The following STMN4 variants were observed in gnomAD, a reference collection of about 807,000 sequenced individuals.
STMN4 encodes stathmin-4.
In STMN4, 12 loss-of-function variants were observed where a neutral mutation model predicts 29.1. That is an observed-to-expected ratio of 0.41 (90% confidence interval 0.26 to 0.67). The LOEUF is 0.67. STMN4 is among the 30% of genes least tolerant of loss of function. The probability of loss-of-function intolerance (pLI) is 0.30; values close to 1 mark genes in which losing one functional copy is unlikely to be tolerated. For synonymous variants in STMN4, 114 were observed against 105.3 expected (o/e 1.08, Z -0.51); for missense variants, 181 against 262.8 (o/e 0.69, Z 2.15).
Position 27,236,562 on chromosome 8 carries a change from C to T in STMN4, c.*284G>A, listed in dbSNP as rs1481869017. ...GGTAGAGATGTGAAAATCAGATCTGCGCCGGGCAGGGTTGCAATGTCCTTG... is the reference window on the plus strand; with the variant it reads ...GGTAGAGATGTGAAAATCAGATCTGTGCCGGGCAGGGTTGCAATGTCCTTG... On this transcript the variant is annotated 3_prime_UTR_variant, in exon 7 of 7. Coordinates refer to ENST00000350889, the MANE Select transcript of STMN4 (RefSeq NM_030795.4). 11 of 273,974 alleles carry T rather than the reference C, an allele frequency of 4.0e-5. No homozygotes were observed. The highest frequency in any genetic ancestry group is 1.6e-4 in the Admixed American group (3 of 18,314). 17.0% of individuals were successfully genotyped at this position (273,974 alleles called of 1,614,324 possible). A position where few individuals can be genotyped will look rare whatever the true frequency, so the allele number is the denominator to read the frequency against.
In STMN4 at chr8:27,236,621, C is replaced by G. The variant is rs1446960348; in HGVS notation, c.*225G>C. On this transcript the variant is annotated 3_prime_UTR_variant, in exon 7 of 7. Coordinates refer to ENST00000350889, the MANE Select transcript of STMN4 (RefSeq NM_030795.4). ...TCCATCTCCCTTTCCCAAACTCTCTCCTCTCCCCTCTCCCACCCCGTCATT... is the reference window on the plus strand; with the variant it reads ...TCCATCTCCCTTTCCCAAACTCTCTGCTCTCCCCTCTCCCACCCCGTCATT... 1 of 420,572 alleles carries G rather than the reference C, an allele frequency of 2.4e-6. No individual in the cohort carries two copies. The highest frequency in any genetic ancestry group is 4.2e-6 in the Non-Finnish European group (1 of 238,528). 26.1% of individuals were successfully genotyped at this position (420,572 alleles called of 1,614,324 possible). A position where few individuals can be genotyped will look rare whatever the true frequency, so the allele number is the denominator to read the frequency against.
At chr8:27,251,183 G>C (rs1243991980) in intron 1 of STMN4, among the ~76,000 whole-genome samples, 3 of 152,092 alleles carry the variant, frequency 2.0e-5, no homozygotes, top group Non-Finnish European at 4.4e-5. Flanking sequence ...AACACAGGAA[G>C]TGGAGGTTGC....
chr8:27,243,784 T>C lies in STMN4; in HGVS notation c.-61A>G. ...TTACAGAGTGGGTCTGTCACCAGCT[T>C]GGGACGCTGTCACCAACCTGAGAAA... On this transcript the variant is annotated 5_prime_UTR_variant, in exon 2 of 7. Transcript: ENST00000350889. 1 of 1,614,128 alleles carries C rather than the reference T, an allele frequency of 6.2e-7. No individual in the cohort carries two copies. Among genetic ancestry groups the C allele is most frequent in the Non-Finnish European group, 8.5e-7 (1 of 1,179,988 alleles).
chr8:27,241,032 A>C, intron 5 of STMN4, 22 bp downstream of exon 5: 1 of 1,601,174 alleles, frequency 6.2e-7, no homozygotes, highest in Non-Finnish European at 8.5e-7. Flanking sequence ...GAGGGAGGAA[A>C]GAAGGAAGGG....
intron 6 of STMN4, chr8:27,239,688 T>C: frequency 2.1e-6 from 3 of 1,438,608 alleles, no homozygotes; most frequent in South Asian, 1.5e-5. Flanking sequence ...GACAGGCTTC[T>C]TCTAGAAAAT....
At chr8:27,252,614 T>C (rs1054378787) in intron 1 of STMN4, among the ~76,000 whole-genome samples, 1 of 152,248 alleles carries the variant, frequency 6.6e-6, no homozygotes, top group African/African-American at 2.4e-5. Context: ...TTTATCATTT[T>C]ATTCTGCACA....
chr8:27,236,979 G>A, intron 6 of STMN4, 74 bp from the exon 7 acceptor site: 2 of 1,516,958 alleles, frequency 1.3e-6, no homozygotes, highest in Non-Finnish European at 1.8e-6. Flanking sequence ...CAAGGGGCAA[G>A]AGAACCAAAA....
chr8:27,252,885 T>C (rs552389690), intron 1 of STMN4, among the ~76,000 whole-genome samples: 3 of 152,226 alleles, frequency 2.0e-5, no homozygotes, highest in Non-Finnish European at 4.4e-5. Flanking sequence ...TATGGGTGCA[T>C]TCCATGCTTA....
chr8:27,243,333 T>C (rs1488367517), intron 2 of STMN4, among the ~76,000 whole-genome samples: 1 of 152,188 alleles, frequency 6.6e-6, no homozygotes, highest in African/African-American at 2.4e-5. Flanking sequence ...CTCAGACTCC[T>C]GATACTGGGG....
chr8:27,241,062 G>A lies in STMN4; in HGVS notation c.391C>T (p.Arg131Ter). The A allele has an allele frequency of 6.2e-7, 1 of 1,613,168 alleles. No individual in the cohort carries two copies. The highest frequency in any genetic ancestry group is 8.5e-7 in the Non-Finnish European group (1 of 1,179,492). ...GAAGGGTCAGCATTTACCTTCCTTC[G>A]CTCCTCAGCCGCTTCTAGTTTCTTC... ...IQKKLEAAEE[R>*]RKYQEAELLK... The change falls in exon 5 of 7, where the codon CGA becomes TGA. Residue 131 changes from arginine (R) to a stop codon, truncating the protein, a stop_gained. Coordinates refer to ENST00000350889, the MANE Select transcript of STMN4 (RefSeq NM_030795.4). LOFTEE classifies it high-confidence loss of function.
chr8:27,253,750 A>G (rs138572074), intron 1 of STMN4, among the ~76,000 whole-genome samples: 219 of 149,358 alleles, frequency 1.5e-3, no homozygotes, highest in African/African-American at 4.6e-3. Context: ...TTGATTAGCT[A>G]GAGTACTTCT....
chr8:27,243,901 C>T, intron 1 of STMN4, 100 bp from the exon 2 acceptor site: 7 of 1,077,268 alleles, frequency 6.5e-6, no homozygotes, highest in Non-Finnish European at 9.5e-6. Flanking sequence ...TCAGGGGTAC[C>T]TCATTTGCTC....
chr8:27,243,882 G>T, intron 1 of STMN4, 81 bp from the exon 2 acceptor site: 1 of 1,301,036 alleles, frequency 7.7e-7, no homozygotes, highest in East Asian at 2.4e-5. Context: ...ATACACTGGG[G>T]AGGGAATCTC....
Position 27,239,976 on chromosome 8 carries a change from C to T in STMN4, c.586G>A (p.Glu196Lys). Residue 196 changes from glutamate to lysine, a missense_variant, in exon 6 of 7, where the codon GAG becomes AAG. By Grantham distance (56) the Glu-to-Lys change is moderately conservative (BLOSUM62 1). Coordinates refer to ENST00000350889, the MANE Select transcript of STMN4 (RefSeq NM_030795.4). ...HLAAMLERLQ[E>K]KDKHAEEVRK... ...TCTAGCCAGGGACCCCTCACCTTCT[C>T]TTGCAGCCGTTCCAACATGGCGGCG... 6.2e-7 allele frequency: 1 copy of T among 1,614,258 alleles called. No homozygotes were observed. Among genetic ancestry groups the T allele is most frequent in the Non-Finnish European group, 8.5e-7 (1 of 1,180,046 alleles).
chr8:27,237,041 C>A, intron 6 of STMN4, 136 bp from the exon 7 acceptor site: 1 of 863,946 alleles, frequency 1.2e-6, no homozygotes, highest in East Asian at 3.0e-5. Flanking sequence ...AAAGGCATCC[C>A]GAGAGGGGCA....
intron 1 of STMN4, among the ~76,000 whole-genome samples, chr8:27,253,885 C>G (rs192823299): frequency 9.1e-4 from 139 of 152,108 alleles, no homozygotes; most frequent in African/African-American, 3.2e-3. Context: ...CGGGTTCAAG[C>G]GATTCTCCTG....
intron 6 of STMN4, among the ~76,000 whole-genome samples, chr8:27,237,495 C>A (rs1586000939): frequency 6.6e-6 from 1 of 152,138 alleles, no homozygotes; most frequent in East Asian, 1.9e-4. Context: ...CCTCAAATGA[C>A]CCTCCCACCT....
At chr8:27,242,081 C>G (rs1801490903) in intron 3 of STMN4, 2 of 559,776 alleles carry the variant, frequency 3.6e-6, no homozygotes, top group Non-Finnish European at 6.4e-6. Context: ...CTAGATGTTC[C>G]CCACAGGTAG....
chr8:27,241,608 C>T (rs1339218022), intron 4 of STMN4, 69 bp downstream of exon 4: 2 of 1,580,538 alleles, frequency 1.3e-6, no homozygotes, highest in Non-Finnish European at 8.7e-7. Flanking sequence ...CGTTTCAGCC[C>T]CCGCCCACCC....
Sources: allele counts gnomAD v4.1 joint callset (sites outside exome capture counted in the v4.1 genomes callset), GRCh38; gene constraint gnomAD v4.1.1; transcripts MANE v1.5; gene names NCBI Gene and HGNC (gene_info 2026-07-23, HGNC 2026-07-21).